The following CPQ variants were observed in gnomAD, a reference collection of about 807,000 sequenced individuals.
The protein encoded by CPQ is carboxypeptidase Q.
A neutral mutation model predicts 45.7 loss-of-function variants in CPQ; 37 were observed. The ratio of observed to expected loss-of-function variants is 0.81; its 90% CI spans 0.62 to 1.07. The LOEUF is 1.07. Ranked by LOEUF, CPQ falls within the 50% of genes least tolerant of loss-of-function variation. The probability of loss-of-function intolerance (pLI) is 0.00; values close to 1 mark genes in which losing one functional copy is unlikely to be tolerated. For missense variants in CPQ, 537 were observed against 572.9 expected (o/e 0.94, Z 0.64); for synonymous variants, 186 against 205.8 (o/e 0.90, Z 0.82).
intron 4 of CPQ, among the ~76,000 whole-genome samples, chr8:96,925,649 C>T (rs965169675): frequency 4.6e-5 from 7 of 151,418 alleles, no homozygotes; most frequent in Admixed American, 3.9e-4. Context: ...TCCCAAAGTG[C>T]TGGGATTACA....
rs759233915 is a variant in CPQ, at chr8:96,785,127, G to T, written c.230G>T (p.Arg77Ile). ...LALLVDTVGP[R>I]LSGSKNLEKA... ...CTTCTGGTTGATACTGTTGGACCCA[G>T]ACTGAGTGGCTCCAAGAACCTAGAA... The change falls in exon 2 of 8, where the codon AGA becomes ATA. Residue 77 changes from arginine (R) to isoleucine (I), a missense_variant. Physicochemically the swap from Arg to Ile is moderately conservative, Grantham distance 97. Coordinates refer to ENST00000220763, the MANE Select transcript of CPQ (RefSeq NM_016134.4). The T allele has an allele frequency of 1.1e-5, 18 of 1,613,580 alleles. No individual in the cohort carries two copies. Among genetic ancestry groups the T allele is most frequent in the Middle Eastern group, 1.6e-4 (1 of 6,078 alleles).
chr8:96,650,466 A>G (rs187877872), intron 1 of CPQ, among the ~76,000 whole-genome samples: 84 of 152,312 alleles, frequency 5.5e-4, no homozygotes, highest in Non-Finnish European at 9.3e-4. Flanking sequence ...GCAGCCAGGC[A>G]TTATTATCTT....
chr8:96,868,193 G>A (rs1002434866), intron 3 of CPQ, among the ~76,000 whole-genome samples: 1 of 152,058 alleles, frequency 6.6e-6, no homozygotes, highest in African/African-American at 2.4e-5. Context: ...GCCTGGGATG[G>A]ATAGGTAATG....
chr8:96,838,484 A>T (rs559783492), intron 3 of CPQ, among the ~76,000 whole-genome samples: 55 of 152,140 alleles, frequency 3.6e-4, no homozygotes, highest in African/African-American at 1.3e-3. Context: ...GATATGGCAC[A>T]CCTCACTTCT....
intron 1 of CPQ, among the ~76,000 whole-genome samples, chr8:96,705,141 G>T (rs1252095805): frequency 6.6e-6 from 1 of 152,130 alleles, no homozygotes; most frequent in East Asian, 1.9e-4. Context: ...AACTATCTAT[G>T]CTTATTTATA....
At chr8:96,743,219 A>G (rs953045610) in intron 1 of CPQ, among the ~76,000 whole-genome samples, 4 of 151,600 alleles carry the variant, frequency 2.6e-5, no homozygotes, top group African/African-American at 9.7e-5. Context: ...GCTTCATTTC[A>G]TTCATTTCAT....
chr8:97,029,253 G>C, intron 5 of CPQ, 150 bp from the exon 6 acceptor site: 1 of 696,670 alleles, frequency 1.4e-6, no homozygotes, highest in South Asian at 1.8e-5. Flanking sequence ...TGCTGTGCTG[G>C]CCATACCCTG....
intron 1 of CPQ, among the ~76,000 whole-genome samples, chr8:96,708,883 C>G (rs1397707917): frequency 6.6e-6 from 1 of 152,148 alleles, no homozygotes; most frequent in Non-Finnish European, 1.5e-5. Context: ...TATCACCCAC[C>G]ATTCACCACT....
chr8:96,696,111 A>G (rs1418443474), intron 1 of CPQ, among the ~76,000 whole-genome samples: 1 of 152,062 alleles, frequency 6.6e-6, no homozygotes, highest in Admixed American at 6.5e-5. Flanking sequence ...CTATGCAGCC[A>G]TAAAAAATGA....
intron 4 of CPQ, among the ~76,000 whole-genome samples, chr8:96,905,152 G>A (rs1489598200): frequency 6.6e-6 from 1 of 151,980 alleles, no homozygotes; most frequent in African/African-American, 2.4e-5. Flanking sequence ...CATCTTACAT[G>A]GTGACAGGAG....
In CPQ at chr8:97,143,274, C is replaced by A; in HGVS notation, c.*91C>A. On this transcript the variant is annotated 3_prime_UTR_variant, in exon 8 of 8. Coordinates refer to ENST00000220763, the MANE Select transcript of CPQ (RefSeq NM_016134.4). ...CTCCTCTTCACATAACAATTTCATCCAATTCATCTTCAAAGCACAACTCTA... is the reference window on the plus strand; with the variant it reads ...CTCCTCTTCACATAACAATTTCATCAAATTCATCTTCAAAGCACAACTCTA... 1 of 1,186,868 alleles carries A rather than the reference C, an allele frequency of 8.4e-7. No homozygotes were observed. Among genetic ancestry groups the A allele is most frequent in the Non-Finnish European group, 1.2e-6 (1 of 829,356 alleles). The allele number at this position is 1,186,868 out of a possible 1,614,324, so 73.5% of individuals were successfully genotyped here.
At chr8:96,963,711 G>A (rs1425754061) in intron 4 of CPQ, among the ~76,000 whole-genome samples, 2 of 152,106 alleles carry the variant, frequency 1.3e-5, no homozygotes, top group African/African-American at 4.8e-5. Context: ...CAGAGAAAGT[G>A]CACGAATCCT....
chr8:96,734,482 C>T (rs1363073942), intron 1 of CPQ, among the ~76,000 whole-genome samples: 3 of 152,066 alleles, frequency 2.0e-5, no homozygotes, highest in South Asian at 2.1e-4. Context: ...GAGGCCCAGG[C>T]GGACGGATCA....
intron 7 of CPQ, among the ~76,000 whole-genome samples, chr8:97,088,444 A>G (rs1811074819): frequency 6.6e-6 from 1 of 152,224 alleles, no homozygotes; most frequent in Non-Finnish European, 1.5e-5. Context: ...AGACTTTTCT[A>G]AAAAGAAATT....
chr8:96,876,814 C>T (rs537159721), intron 3 of CPQ, among the ~76,000 whole-genome samples: 6 of 151,776 alleles, frequency 4.0e-5, no homozygotes, highest in South Asian at 2.1e-4. Flanking sequence ...TATATGTTGC[C>T]GGTTCTCTTT....
intron 1 of CPQ, among the ~76,000 whole-genome samples, chr8:96,740,410 A>C (rs949646687): frequency 1.3e-5 from 2 of 152,144 alleles, no homozygotes; most frequent in Non-Finnish European, 2.9e-5. Context: ...ATCTGCAAAC[A>C]GGGACAATTT....
chr8:97,097,340 A>G (rs2130574145), intron 7 of CPQ, among the ~76,000 whole-genome samples: 1 of 152,296 alleles, frequency 6.6e-6, no homozygotes, highest in African/African-American at 2.4e-5. Context: ...TTTTTTGAGT[A>G]CACAAAAATC....
At chr8:96,729,184 C>A (rs573710411) in intron 1 of CPQ, among the ~76,000 whole-genome samples, 4 of 152,306 alleles carry the variant, frequency 2.6e-5, no homozygotes, top group East Asian at 3.9e-4. Context: ...TGGGGTGGAA[C>A]CTCCATGGCC....
Position 97,066,006 on chromosome 8 carries a change from T to C in CPQ, c.1054-3T>C. On this transcript the variant is annotated splice_polypyrimidine_tract_variant and splice_region_variant and intron_variant, in intron 6 of 7. Transcript: ENST00000220763. ...GAACCAAACAATTTTCTCTTGTGTTTAGGTAAATATTTCCAACTACAGTCT... is the reference window on the plus strand; with the variant it reads ...GAACCAAACAATTTTCTCTTGTGTTCAGGTAAATATTTCCAACTACAGTCT... The C allele has an allele frequency of 6.2e-7, 1 of 1,609,922 alleles. No individual in the cohort carries two copies. The highest frequency in any genetic ancestry group is 8.5e-7 in the Non-Finnish European group (1 of 1,179,124).
Sources: gnomAD v4.1 joint callset for allele counts (sites outside exome capture counted in the v4.1 genomes callset) on GRCh38, gnomAD v4.1.1 for gene constraint, MANE v1.5 for transcripts, NCBI Gene and HGNC (gene_info 2026-07-23, HGNC 2026-07-21) for gene names.